The following NKAIN3 variants were observed in gnomAD, a reference collection of about 807,000 sequenced individuals.
NKAIN3 encodes the protein sodium/potassium-transporting ATPase subunit beta-1-interacting protein 3.
Under a neutral mutation model 30.2 loss-of-function variants are expected in NKAIN3, and 25 were observed. The observed-to-expected ratio is 0.83, with a 90% confidence interval of 0.60 to 1.16. The LOEUF (loss-of-function observed/expected upper bound fraction) is 1.16. Ranked by LOEUF, NKAIN3 falls within the 50% of genes most tolerant of loss-of-function variation. NKAIN3 has a pLI of 0.00. For missense variants in NKAIN3, 225 were observed against 254.1 expected (o/e 0.89, Z 0.78); for synonymous variants, 91 against 89.6 (o/e 1.02, Z -0.09).
At chr8:62,855,927 A>G in intron 4 of NKAIN3, 1 of 748,724 alleles carries the variant, frequency 1.3e-6, no homozygotes, top group East Asian at 2.5e-5. Flanking sequence ...GCGTGATGCT[A>G]CAACCTCCTT....
At chr8:62,664,443 C>T (rs531396342) in intron 3 of NKAIN3, among the ~76,000 whole-genome samples, 1 of 152,226 alleles carries the variant, frequency 6.6e-6, no homozygotes, top group South Asian at 2.1e-4. Flanking sequence ...TCAAGATCTC[C>T]TCAACCTCAA....
chr8:62,625,988 G>A lies in NKAIN3; in HGVS notation c.273+36194G>A, dbSNP rs138322661. Reference sequence around the variant, plus strand: ...TAAGTAAGAAAACTGAGGCGTCGAGGAAACTGAGACTTGAATAAAGACCAT... The same window carrying A: ...TAAGTAAGAAAACTGAGGCGTCGAGAAAACTGAGACTTGAATAAAGACCAT... On this transcript the variant is annotated intron_variant, in intron 3 of 6. Transcript: ENST00000623646. 3.3e-3 allele frequency among the ~76,000 whole-genome samples: 504 copies of A among 152,196 alleles called. 5 individuals carry two copies. Among genetic ancestry groups the A allele is most frequent in the African/African-American group, 0.012 (478 of 41,546 alleles).
chr8:62,261,287 A>T (rs1812431995), intron 1 of NKAIN3, among the ~76,000 whole-genome samples: 1 of 152,230 alleles, frequency 6.6e-6, no homozygotes, highest in South Asian at 2.1e-4. Flanking sequence ...ACAATATTAA[A>T]TCCTTTGGTT....
rs184821436 is a variant in NKAIN3, at chr8:62,321,821, C to G, written c.54+72694C>G. The stretch of plus-strand genomic sequence containing the variant: ...AGTCTGTCCATTCTCAGATCTCCAG[C>G]TGCGTGCTGGGAGAACCACTACTCT... On this transcript the variant is annotated intron_variant, in intron 1 of 6. Coordinates refer to ENST00000623646, the MANE Select transcript of NKAIN3 (RefSeq NM_001304533.3). 8.7e-4 allele frequency among the ~76,000 whole-genome samples: 132 copies of G among 152,292 alleles called. 3 individuals carry two copies. In the East Asian group the frequency reaches 0.024, roughly 28 times the overall value.
At chr8:62,932,171 CATAA>C (rs1429494640) in intron 5 of NKAIN3, among the ~76,000 whole-genome samples, 1 of 152,144 alleles carries the variant, frequency 6.6e-6, no homozygotes, top group African/African-American at 2.4e-5. Context: ...ACAAAACAAG[CATAA>C]ATAAACAAAC....
chr8:62,720,429 A>G (rs912088269), intron 3 of NKAIN3, among the ~76,000 whole-genome samples: 2 of 152,212 alleles, frequency 1.3e-5, no homozygotes, highest in African/African-American at 2.4e-5. Flanking sequence ...CCCAAACAAT[A>G]CCATGAATTA....
chr8:62,602,166 G>A (rs1811002048), intron 3 of NKAIN3, among the ~76,000 whole-genome samples: 2 of 152,052 alleles, frequency 1.3e-5, no homozygotes, highest in Admixed American at 6.6e-5. Context: ...TCAGAAATTT[G>A]TATTGTAATC....
intron 1 of NKAIN3, among the ~76,000 whole-genome samples, chr8:62,315,460 A>G (rs1179113584): frequency 1.4e-4 from 22 of 152,212 alleles, no homozygotes; most frequent in Admixed American, 1.4e-3. Context: ...ATAGTATTTC[A>G]TAGAAGTTGA....
intron 1 of NKAIN3, among the ~76,000 whole-genome samples, chr8:62,270,162 C>G (rs564578406): frequency 6.6e-6 from 1 of 152,188 alleles, no homozygotes; most frequent in South Asian, 2.1e-4. Context: ...TCACTGCAGC[C>G]TCGAACTCCT....
intron 1 of NKAIN3, among the ~76,000 whole-genome samples, chr8:62,304,410 T>C (rs547739539): frequency 6.6e-6 from 1 of 150,548 alleles, no homozygotes; most frequent in Admixed American, 6.6e-5. Context: ...ATCTACATGC[T>C]TTTTTCCCCC....
intron 1 of NKAIN3, among the ~76,000 whole-genome samples, chr8:62,255,003 T>A (rs1243588322): frequency 6.6e-6 from 1 of 152,192 alleles, no homozygotes; most frequent in Non-Finnish European, 1.5e-5. Context: ...AAGAGTGTTA[T>A]GGGAAGAATT....
chr8:62,769,844 C>G (rs1231289418), intron 4 of NKAIN3, among the ~76,000 whole-genome samples: 1 of 152,142 alleles, frequency 6.6e-6, no homozygotes, highest in African/African-American at 2.4e-5. Context: ...TGAAAAGCTT[C>G]CTAATTTATG....
At chr8:62,946,864 A>G (rs1823138772) in intron 5 of NKAIN3, among the ~76,000 whole-genome samples, 1 of 152,208 alleles carries the variant, frequency 6.6e-6, no homozygotes, top group Non-Finnish European at 1.5e-5. Flanking sequence ...ACAATGTTAT[A>G]GGGGATCTGT....
intron 1 of NKAIN3, among the ~76,000 whole-genome samples, chr8:62,283,549 G>GTCATTATATTT: frequency 6.6e-6 from 1 of 151,882 alleles, no homozygotes; most frequent in Non-Finnish European, 1.5e-5. Context: ...TCATATATAT[G>GTCATTATATTT]TCATTATATT....
intron 1 of NKAIN3, among the ~76,000 whole-genome samples, chr8:62,521,584 G>A (rs1332185104): frequency 6.6e-6 from 1 of 152,082 alleles, no homozygotes; most frequent in East Asian, 1.9e-4. Context: ...GTAGAGGGTG[G>A]GCCCATGGCT....
chr8:62,767,095 C>T (rs781574740), intron 4 of NKAIN3, among the ~76,000 whole-genome samples: 8 of 152,094 alleles, frequency 5.3e-5, no homozygotes, highest in Non-Finnish European at 7.3e-5. Context: ...TACCTCAATT[C>T]CCTTTTAGTT....
chr8:62,866,904 A>AAAAAAT (rs1475146299), intron 4 of NKAIN3, among the ~76,000 whole-genome samples: 1 of 149,958 alleles, frequency 6.7e-6, no homozygotes, highest in African/African-American at 2.5e-5. Flanking sequence ...AAAAAAAAAA[A>AAAAAAT]ATTGGCCGGG....
chr8:62,944,161 T>TTG (rs1318954658), intron 5 of NKAIN3, among the ~76,000 whole-genome samples: 4 of 151,982 alleles, frequency 2.6e-5, no homozygotes, highest in African/African-American at 7.2e-5. Context: ...CATTGAAACA[T>TTG]ATATATATAA....
intron 1 of NKAIN3, among the ~76,000 whole-genome samples, chr8:62,535,909 A>T (rs1808645865): frequency 6.6e-6 from 1 of 152,172 alleles, no homozygotes; most frequent in Admixed American, 6.5e-5. Context: ...GGAGGGCCAG[A>T]CATCAATGGC....
Sources: allele counts gnomAD v4.1 joint callset (sites outside exome capture counted in the v4.1 genomes callset), GRCh38; gene constraint gnomAD v4.1.1; transcripts MANE v1.5; gene names NCBI Gene and HGNC (gene_info 2026-07-23, HGNC 2026-07-21).